Variants in CSGALNACT1 observed in about 807,000 individuals in gnomAD.
The protein encoded by CSGALNACT1 is chondroitin sulfate N-acetylgalactosaminyltransferase 1, also known as beta4GalNAcT-1.
Under a neutral mutation model 51.0 loss-of-function variants are expected in CSGALNACT1, and 52 were observed. The observed-to-expected ratio is 1.02, with a 90% CI of 0.82 to 1.29. The LOEUF (loss-of-function observed/expected upper bound fraction) is 1.29. Ranked by LOEUF, CSGALNACT1 falls within the 50% of genes most tolerant of loss-of-function variation. The probability of loss-of-function intolerance (pLI) is 0.00; values close to 1 mark genes in which losing one functional copy is unlikely to be tolerated. For missense variants in CSGALNACT1, 935 were observed against 679.2 expected (o/e 1.38, Z -4.19); for synonymous variants, 341 against 254.4 (o/e 1.34, Z -3.24).
intron 3 of CSGALNACT1, among the ~76,000 whole-genome samples, chr8:19,527,432 CG>C (rs978920334): frequency 6.6e-6 from 1 of 152,018 alleles, no homozygotes; most frequent in African/African-American, 2.4e-5. Context: ...GAACCAACCC[CG>C]CCCCTCCAAC....
exon 4 of CSGALNACT1, chr8:19,505,777 C>T (rs1254353320): frequency 2.5e-6 from 4 of 1,613,972 alleles, no homozygotes; most frequent in Non-Finnish European, 3.4e-6. Context: ...CAGAGGAGCA[C>T]CAGCAAAACC....
intron 1 of CSGALNACT1, among the ~76,000 whole-genome samples, chr8:19,726,412 TA>T (rs2063404923): frequency 6.6e-6 from 1 of 152,264 alleles, no homozygotes; most frequent in Admixed American, 6.5e-5. Flanking sequence ...TATTCATTTT[TA>T]TGTTTTTGTT....
intron 1 of CSGALNACT1, among the ~76,000 whole-genome samples, chr8:19,699,349 G>C (rs1217551683): frequency 1.3e-5 from 2 of 152,178 alleles, no homozygotes; most frequent in Non-Finnish European, 2.9e-5. Context: ...CATGTTCATA[G>C]TAGCATTATT....
At chr8:19,409,591 C>A (rs1212507269) in intron 8 of CSGALNACT1, among the ~76,000 whole-genome samples, 3 of 152,022 alleles carry the variant, frequency 2.0e-5, no homozygotes, top group Non-Finnish European at 4.4e-5. Flanking sequence ...GTTTTGAGAT[C>A]TTAGTTATTT....
At chr8:19,666,758 AAG>A (rs1162511813) in intron 1 of CSGALNACT1, among the ~76,000 whole-genome samples, 2 of 99,012 alleles carry the variant, frequency 2.0e-5, no homozygotes, top group Non-Finnish European at 3.9e-5. Context: ...ACAAGAAAGA[AAG>A]AAGAAAGAAA....
intron 2 of CSGALNACT1, among the ~76,000 whole-genome samples, chr8:19,594,483 G>A (rs1157954042): frequency 6.6e-6 from 1 of 152,126 alleles, no homozygotes; most frequent in Non-Finnish European, 1.5e-5. Context: ...GAAAAGTTAG[G>A]TGACCATTTA....
intron 1 of CSGALNACT1, among the ~76,000 whole-genome samples, chr8:19,620,191 TG>T (rs1464679885): frequency 5.4e-4 from 82 of 151,880 alleles, no homozygotes; most frequent in African/African-American, 1.9e-3. Context: ...GGTACATGCC[TG>T]TAAACCCAGT....
intron 3 of CSGALNACT1, among the ~76,000 whole-genome samples, chr8:19,521,853 C>T (rs553299064): frequency 5.9e-5 from 9 of 152,192 alleles, no homozygotes; most frequent in South Asian, 2.1e-4. Flanking sequence ...GAAAACAGAG[C>T]TCTGCTGGCA....
At position 19,586,138 on chromosome 8, in the gene CSGALNACT1, A is replaced by G. The variant is rs181686187; in HGVS notation, c.-297+5022T>C. 3.0e-3 allele frequency among the ~76,000 whole-genome samples: 456 copies of G among 152,244 alleles called. 1 individual carries two copies. The highest frequency in any genetic ancestry group is 3.5e-3 in the South Asian group (17 of 4,818). On this transcript the variant is annotated intron_variant, in intron 3 of 9. Transcript: ENST00000454498. ...AGCACTTTGGGAGGGCAAGGCGGGC[A>G]GATCACATGAGGTCAGGAGTTCGAG...
At chr8:19,719,491 A>G (rs911855594) in intron 1 of CSGALNACT1, among the ~76,000 whole-genome samples, 2 of 152,148 alleles carry the variant, frequency 1.3e-5, no homozygotes, top group Non-Finnish European at 2.9e-5. Context: ...AAACATCACA[A>G]AGGTCTTGAT....
chr8:19,684,081 G>A (rs959736937), upstream of CSGALNACT1, among the ~76,000 whole-genome samples: 3 of 152,110 alleles, frequency 2.0e-5, no homozygotes, highest in South Asian at 2.1e-4. Flanking sequence ...CAGGAGAATC[G>A]TATGAGCCTG....
At chr8:19,661,482 C>T (rs1011344118) in intron 1 of CSGALNACT1, among the ~76,000 whole-genome samples, 5 of 152,234 alleles carry the variant, frequency 3.3e-5, no homozygotes, top group Admixed American at 2.6e-4. Context: ...ACCAAACCCA[C>T]AGTGCTTGTA....
chr8:19,481,257 G>C (rs1323135440), intron 4 of CSGALNACT1, among the ~76,000 whole-genome samples: 1 of 151,916 alleles, frequency 6.6e-6, no homozygotes, highest in Non-Finnish European at 1.5e-5. Context: ...CTGTGCCCTG[G>C]GTGTCTGTCC....
At position 19,574,420 on chromosome 8, in the gene CSGALNACT1, C is replaced by T. The variant is rs556419737; in HGVS notation, c.-297+16740G>A. 2.6e-5 allele frequency among the ~76,000 whole-genome samples: 4 copies of T among 152,278 alleles called. No individual in the cohort carries two copies. In the South Asian group the frequency reaches 8.3e-4, roughly 32 times the overall value. ...TGCTCATAGGGTTCCTCCATGCAGC[C>T]CAGTTTATCAGACAGAACCAAAAAG... is the stretch of plus-strand genomic sequence containing the variant. On this transcript the variant is annotated intron_variant, in intron 3 of 9. Transcript: ENST00000454498.
chr8:19,707,858 G>A (rs150136631), intron 1 of CSGALNACT1, among the ~76,000 whole-genome samples: 7,125 of 152,140 alleles, frequency 0.047, 229 homozygotes, highest in Non-Finnish European at 0.073. Flanking sequence ...AAAAGTAGCC[G>A]GGCGTGATGG....
At chr8:19,430,943 A>G (rs2059566797) in intron 6 of CSGALNACT1, among the ~76,000 whole-genome samples, 1 of 152,050 alleles carries the variant, frequency 6.6e-6, no homozygotes, top group Non-Finnish European at 1.5e-5. Context: ...TTTTTATATT[A>G]CTATGAAAAT....
intron 2 of CSGALNACT1, among the ~76,000 whole-genome samples, chr8:19,592,360 G>A (rs1209711958): frequency 2.0e-5 from 3 of 152,152 alleles, no homozygotes; most frequent in African/African-American, 7.2e-5. Context: ...GGGCTATGAT[G>A]TATACACTTA....
chr8:19,410,839 A>G (rs2055532087), intron 8 of CSGALNACT1, among the ~76,000 whole-genome samples: 2 of 152,222 alleles, frequency 1.3e-5, no homozygotes. Flanking sequence ...TGCCCACAGC[A>G]TGTAATTTCA....
In CSGALNACT1 at chr8:19,700,199, G is replaced by GT. The variant is rs1287382045; in HGVS notation, c.-297+57650dup. 3.0e-3 allele frequency among the ~76,000 whole-genome samples: 437 copies of GT among 148,016 alleles called. 3 individuals are homozygous for GT. Among genetic ancestry groups the GT allele is most frequent in the African/African-American group, 9.6e-3 (387 of 40,406 alleles). ...ATAAGGCACAATGATGTTAAGTCAG[G>GT]TTTTTTTTTTAGTAATATAAATTGT... On this transcript the variant is annotated intron_variant, in intron 1 of 1. Coordinates refer to the CSGALNACT1 transcript ENST00000517494.
Sources: gnomAD v4.1 joint callset for allele counts (sites outside exome capture counted in the v4.1 genomes callset) on GRCh38, gnomAD v4.1.1 for gene constraint, MANE v1.5 for transcripts, NCBI Gene and HGNC (gene_info 2026-07-23, HGNC 2026-07-21) for gene names.